CACNA1B: variants seen among roughly 807,000 people sequenced by gnomAD.
The protein encoded by CACNA1B is calcium voltage-gated channel subunit alpha1 B.
In CACNA1B, 70 loss-of-function variants were observed where a neutral mutation model predicts 247.2. That is an observed-to-expected ratio of 0.28 (90% CI 0.23 to 0.35). CACNA1B has a LOEUF of 0.35. Among genes scored for constraint, CACNA1B ranks in the 10% least tolerant of loss-of-function variants. CACNA1B has a pLI of 1.00. For synonymous variants in CACNA1B, 1,231 were observed against 1,294.4 expected (o/e 0.95, Z 1.05); for missense variants, 2,367 against 3,197.4 (o/e 0.74, Z 6.26).
At chr9:137,941,042 T>C (rs1229220212) in intron 6 of CACNA1B, among the ~76,000 whole-genome samples, 1 of 152,078 alleles carries the variant, frequency 6.6e-6, no homozygotes, top group Admixed American at 6.6e-5. Context: ...CTCTTCAACA[T>C]AGTAATGGAA....
rs376476348 is a variant in CACNA1B, at chr9:138,051,452, TCTCC to T, written c.3711-619_3711-616del. ...GCATTGATATGTCTGTCTCTATGGC[TCTCC>T]CTCCCTCCCTCCCTCCCTCCTTCCC... On this transcript the variant is annotated intron_variant, in intron 24 of 46. Transcript: ENST00000371372. The surrounding 1 kb of genome is among the most constrained non-coding windows in gnomAD (Gnocchi z 4.3). Among the ~76,000 whole-genome samples, 2,423 of 149,854 alleles carry T rather than the reference TCTCC, an allele frequency of 0.016. 83 individuals carry two copies. The highest frequency in any genetic ancestry group is 0.056 in the African/African-American group (2,264 of 40,308).
In CACNA1B at chr9:138,122,143, C is replaced by G. The variant is rs1450760977; in HGVS notation, c.*144C>G. 3 of 676,958 alleles carry G rather than the reference C, an allele frequency of 4.4e-6. No homozygotes were observed. Among genetic ancestry groups the G allele is most frequent in the Non-Finnish European group, 7.4e-6 (3 of 406,342 alleles). 41.9% of individuals were successfully genotyped at this position (676,958 alleles called of 1,614,324 possible). A position where few individuals can be genotyped will look rare whatever the true frequency, so the allele number is the denominator to read the frequency against. ...CCTGTGGCCCCTCCCTCCCCCTCCT[C>G]CCCTCTTTTACTCTAGACGACGAAT... On this transcript the variant is annotated 3_prime_UTR_variant, in exon 47 of 47. Transcript: ENST00000371372.
chr9:137,890,638 G>T (rs1156857723), intron 3 of CACNA1B: 1 of 150,470 alleles, frequency 6.6e-6, no homozygotes, highest in African/African-American at 2.4e-5. Flanking sequence ...AGGGATGGGC[G>T]GTTCTGCAGG....
At chr9:137,978,104 T>G (rs1332948542) in intron 12 of CACNA1B, among the ~76,000 whole-genome samples, 3 of 72,866 alleles carry the variant, frequency 4.1e-5, no homozygotes, top group Non-Finnish European at 5.2e-5. Flanking sequence ...CAGGAAGGAG[T>G]GATGGGAGCA....
intron 15 of CACNA1B, among the ~76,000 whole-genome samples, chr9:138,005,826 G>A (rs987981059): frequency 5.7e-4 from 87 of 152,214 alleles, no homozygotes; most frequent in Non-Finnish European, 1.1e-3. Flanking sequence ...GGCGGATCAC[G>A]AGGTCAGGAG....
rs537792721 is a variant in CACNA1B at position 138,010,602 on chromosome 9, G to T, written c.2160+525G>T. On this transcript the variant is annotated intron_variant, in intron 17 of 46. Transcript: ENST00000371372. This position sits in a 1 kb window ranked among gnomAD's most constrained non-coding sequence, Gnocchi z 5.3. Reference sequence around the variant, plus strand: ...CACCTGCCATCTCAGTCGCAGGCTTGTGTGTTGACTCAAGCCCTAGCTCCT... The same window carrying T: ...CACCTGCCATCTCAGTCGCAGGCTTTTGTGTTGACTCAAGCCCTAGCTCCT... 3.3e-5 allele frequency among the ~76,000 whole-genome samples: 5 copies of T among 152,252 alleles called. No homozygotes were observed. The South Asian group carries it at 1.0e-3, about 32-fold the overall frequency.
At chr9:137,912,338 A>G (rs988529136) in intron 3 of CACNA1B, among the ~76,000 whole-genome samples, 5 of 152,208 alleles carry the variant, frequency 3.3e-5, no homozygotes, top group Admixed American at 2.0e-4. Flanking sequence ...TGGGAGGAAA[A>G]CAGGAGAGAG....
Position 137,913,222 on chromosome 9 carries a change from G to A in CACNA1B, c.573G>A (p.Leu191=). 1 of 1,613,978 alleles carries A rather than the reference G, an allele frequency of 6.2e-7. No homozygotes were observed. Among genetic ancestry groups the A allele is most frequent in the Non-Finnish European group, 8.5e-7 (1 of 1,179,878 alleles). The stretch of plus-strand genomic sequence containing the variant: ...GAACTGACTTCGACCTGCGAACACT[G>A]AGGGCTGTGCGTGTGCTGAGGCCCC... ...TAGTDFDLRT[L]RAVRVLRPLK... The change falls in exon 4 of 47, where the codon CTG becomes CTA. Residue 191 remains leucine, a synonymous_variant. Transcript: ENST00000371372. This position sits in a 1 kb window ranked among gnomAD's most constrained non-coding sequence, Gnocchi z 5.2.
In CACNA1B at chr9:138,120,167, C is replaced by G; in HGVS notation, c.6033C>G (p.Pro2011=). The change falls in exon 45 of 47, where the codon CCC becomes CCG. Residue 2011 remains proline, a splice_region_variant and synonymous_variant. Coordinates refer to ENST00000371372, the MANE Select transcript of CACNA1B (RefSeq NM_000718.4). The part of the protein sequence containing the change: ...SMPRLAAETQ[P]VTDASPMKRS... ...CACTCTCAGTCCTTTGCCCACAGCC[C>G]GTCACAGATGCCAGCCCCATGAAGC... 6.3e-7 allele frequency: 1 copy of G among 1,598,780 alleles called. No homozygotes were observed. Among genetic ancestry groups the G allele is most frequent in the Non-Finnish European group, 8.5e-7 (1 of 1,173,946 alleles).
At chr9:137,969,184 C>G (rs1440514989) in intron 10 of CACNA1B, among the ~76,000 whole-genome samples, 2 of 152,256 alleles carry the variant, frequency 1.3e-5, no homozygotes, top group African/African-American at 2.4e-5. Flanking sequence ...AGCTCTCCCC[C>G]AGGGCGTCTG....
At chr9:138,065,607 TGTG>T (rs933070107) in intron 31 of CACNA1B, among the ~76,000 whole-genome samples, 2 of 152,106 alleles carry the variant, frequency 1.3e-5, no homozygotes, top group Admixed American at 6.5e-5. Flanking sequence ...ATGAGAGACT[TGTG>T]GAGTCCTCTC....
chr9:138,043,774 G>A lies in CACNA1B; in HGVS notation c.3287G>A (p.Ser1096Asn). ...ACTCGGGGGCCCTGTGTCCTTGTAG[G>A]TGGTAACGTGGACCTGGAAAGCCAA... is the stretch of plus-strand genomic sequence containing the variant. ...GPLGEATVVP[S>N]GNVDLESQAE... is the part of the protein sequence containing the mutation. The change falls in exon 21 of 47, where the codon AGT becomes AAT. Residue 1096 changes from serine to asparagine, a missense_variant and splice_region_variant. Around this residue, in one of 12 missense-constraint regions of CACNA1B, gnomAD observed 631 missense variants for 631.1 expected, o/e 1.00. Transcript: ENST00000371372. The A allele has an allele frequency of 6.2e-7, 1 of 1,613,952 alleles. No homozygotes were observed. Among genetic ancestry groups the A allele is most frequent in the Non-Finnish European group, 8.5e-7 (1 of 1,179,858 alleles).
intron 21 of CACNA1B, among the ~76,000 whole-genome samples, chr9:138,045,800 G>T (rs1959178609): frequency 6.6e-6 from 1 of 152,188 alleles, no homozygotes. Context: ...GGGATGAACA[G>T]CTCTGTGGAC....
At chr9:137,906,644 C>A (rs1957302932) in intron 3 of CACNA1B, among the ~76,000 whole-genome samples, 1 of 149,710 alleles carries the variant, frequency 6.7e-6, no homozygotes, top group Non-Finnish European at 1.5e-5. Context: ...CATGTGATGT[C>A]TTATTTAACA....
intron 6 of CACNA1B, among the ~76,000 whole-genome samples, chr9:137,943,787 C>T (rs1957761950): frequency 6.6e-6 from 1 of 152,128 alleles, no homozygotes; most frequent in South Asian, 2.1e-4. Flanking sequence ...TGCAAGACCG[C>T]ATTCTTTGAA....
intron 37 of CACNA1B, among the ~76,000 whole-genome samples, chr9:138,099,790 G>C (rs1178604474): frequency 6.6e-6 from 1 of 152,238 alleles, no homozygotes; most frequent in Non-Finnish European, 1.5e-5. Flanking sequence ...TGTTCACCCT[G>C]GTGCTGCTTT....
At chr9:137,948,233 G>A (rs1957821215) in intron 6 of CACNA1B, among the ~76,000 whole-genome samples, 1 of 152,012 alleles carries the variant, frequency 6.6e-6, no homozygotes, top group African/African-American at 2.4e-5. Flanking sequence ...TGCCTGCCTC[G>A]GCCTCCCGAA....
In CACNA1B at chr9:138,075,892, C is replaced by G; in HGVS notation, c.4931C>G (p.Ala1644Gly). 1 of 1,609,948 alleles carries G rather than the reference C, an allele frequency of 6.2e-7. No homozygotes were observed. The highest frequency in any genetic ancestry group is 8.5e-7 in the Non-Finnish European group (1 of 1,177,322). Residue 1644 changes from alanine to glycine, a missense_variant, in exon 35 of 47, where the codon GCC becomes GGC. Transcript: ENST00000371372. ...AACAACTTCCGGACGTTTTTGCAAG[C>G]CCTGATGCTGCTGTTCAGGTGTGTT... Reference protein sequence around the residue: ...RHNNFRTFLQALMLLFRSATG... With the variant: ...RHNNFRTFLQGLMLLFRSATG...
Position 137,986,463 on chromosome 9 carries a change from A to G in CACNA1B, c.1820A>G (p.Lys607Arg), listed in dbSNP as rs201887819. Reference protein sequence around the residue: ...NLVVSLLNSMKSIISLLFLLF... With the variant: ...NLVVSLLNSMRSIISLLFLLF... ...GTGGTGTCCCTGCTGAACTCCATGAAGTCCATCATCAGCCTGCTCTTCTTG... is the reference window on the plus strand; with the variant it reads ...GTGGTGTCCCTGCTGAACTCCATGAGGTCCATCATCAGCCTGCTCTTCTTG... Residue 607 changes from lysine to arginine, a missense_variant, in exon 14 of 47, where the codon AAG becomes AGG. Physicochemically the swap from Lys to Arg is conservative, Grantham distance 26. This residue lies in a region of CACNA1B where 76 missense variants were observed against 191.0 expected (regional missense o/e 0.40). Transcript: ENST00000371372. The surrounding 1 kb of genome is among the most constrained non-coding windows in gnomAD (Gnocchi z 6.0). 3.1e-6 allele frequency: 5 copies of G among 1,613,732 alleles called. No homozygotes were observed. The highest frequency in any genetic ancestry group is 4.2e-6 in the Non-Finnish European group (5 of 1,179,806).
Sources: gnomAD v4.1 joint callset for allele counts (sites outside exome capture counted in the v4.1 genomes callset) on GRCh38, gnomAD v4.1.1 for gene constraint, gnomAD v4.1.1 regional missense constraint, Gnocchi (gnomAD v3.1) non-coding constraint, MANE v1.5 for transcripts, NCBI Gene and HGNC (gene_info 2026-07-23, HGNC 2026-07-21) for gene names.